MYO3B: variants seen among roughly 807,000 people sequenced by gnomAD.
The protein encoded by MYO3B is myosin-IIIb.
MYO3B carries 156 observed loss-of-function variants against 174.6 expected under a neutral mutation model. The observed-to-expected ratio is 0.89, with a 90% confidence interval of 0.78 to 1.02. The LOEUF is 1.02. Ranked by LOEUF, MYO3B falls within the 50% of genes least tolerant of loss-of-function variation. MYO3B has a pLI of 0.00. For synonymous variants in MYO3B, 563 were observed against 569.1 expected (o/e 0.99, Z 0.15); for missense variants, 1,632 against 1,639.4 (o/e 1.00, Z 0.08).
intron 11 of MYO3B, 42 bp downstream of exon 11, chr2:170,383,231 T>C (rs773097079): frequency 8.1e-7 from 1 of 1,227,398 alleles, no homozygotes; most frequent in Admixed American, 1.9e-5. Context: ...TAATAGGAAA[T>C]TAAAACTCAC....
chr2:170,258,201 C>T (rs2093319306), intron 7 of MYO3B, among the ~76,000 whole-genome samples: 1 of 152,084 alleles, frequency 6.6e-6, no homozygotes, highest in South Asian at 2.1e-4. Context: ...GGAGGACAGA[C>T]TCCTCCCTAA....
At chr2:170,628,502 G>A (rs1201588833) in intron 32 of MYO3B, among the ~76,000 whole-genome samples, 2 of 152,192 alleles carry the variant, frequency 1.3e-5, no homozygotes, top group Admixed American at 6.5e-5. Context: ...TCCTGGATGA[G>A]GCAATGCCTT....
At chr2:170,259,411 A>G (rs550776917) in intron 7 of MYO3B, among the ~76,000 whole-genome samples, 12 of 152,034 alleles carry the variant, frequency 7.9e-5, no homozygotes, top group East Asian at 1.9e-4. Flanking sequence ...TAAAGCCACT[A>G]TAACCATCTA....
intron 32 of MYO3B, among the ~76,000 whole-genome samples, chr2:170,596,738 G>A (rs58710201): frequency 0.04 from 6,130 of 152,248 alleles, 192 homozygotes; most frequent in African/African-American, 0.075. Flanking sequence ...AAGGGGATAA[G>A]AAATGGTGCA....
At chr2:170,371,173 G>A (rs754597602) in intron 9 of MYO3B, among the ~76,000 whole-genome samples, 10 of 140,010 alleles carry the variant, frequency 7.1e-5, no homozygotes, top group Non-Finnish European at 1.5e-4. Context: ...AGCTGAGATC[G>A]CGCCACTGCA....
At chr2:170,596,577 A>G (rs75066616) in intron 32 of MYO3B, among the ~76,000 whole-genome samples, 2,522 of 152,276 alleles carry the variant, frequency 0.017, 69 homozygotes, top group African/African-American at 0.057. Context: ...TTCTGACTAC[A>G]TGTTTTCTCC....
intron 7 of MYO3B, among the ~76,000 whole-genome samples, chr2:170,264,926 C>A (rs2093371524): frequency 1.3e-5 from 2 of 152,214 alleles, no homozygotes; most frequent in East Asian, 1.9e-4. Flanking sequence ...AAAGGGAAAT[C>A]CTGCTGTCAT....
At chr2:170,197,314 C>A (rs2105331615) in intron 1 of MYO3B, among the ~76,000 whole-genome samples, 1 of 152,278 alleles carries the variant, frequency 6.6e-6, no homozygotes, top group Non-Finnish European at 1.5e-5. Flanking sequence ...TACTGCAATG[C>A]CATGAATTGA....
chr2:170,197,300 TC>T (rs1408724766), intron 1 of MYO3B, among the ~76,000 whole-genome samples: 2 of 152,204 alleles, frequency 1.3e-5, no homozygotes, highest in African/African-American at 2.4e-5. Flanking sequence ...TTTCAAACTT[TC>T]TTTACTGCAA....
chr2:170,302,346 A>AC (rs1300013813), intron 7 of MYO3B, among the ~76,000 whole-genome samples: 2 of 152,100 alleles, frequency 1.3e-5, no homozygotes, highest in African/African-American at 2.4e-5. Flanking sequence ...AATAGAAAAA[A>AC]CCCCAGCAAT....
chr2:170,352,596 T>C (rs2094083697), intron 8 of MYO3B, among the ~76,000 whole-genome samples: 1 of 152,186 alleles, frequency 6.6e-6, no homozygotes, highest in Non-Finnish European at 1.5e-5. Flanking sequence ...TGGTTGCGGA[T>C]AGGGGTGGGA....
rs1416332811 is a variant in MYO3B, at chr2:170,654,683, T to G, written c.*1562T>G. On this transcript the variant is annotated 3_prime_UTR_variant, in exon 35 of 35. Transcript: ENST00000408978. ...AAAAAAAAAAAAAAAAGAGATAGTA[T>G]GCAAGAAGACACCTAAATTTTGAGA... 6.8e-6 allele frequency: 1 copy of G among 146,478 alleles called. No homozygotes were observed. The highest frequency in any genetic ancestry group is 1.5e-5 in the Non-Finnish European group (1 of 67,044). 9.1% of individuals were successfully genotyped at this position (146,478 alleles called of 1,614,324 possible). A position where few individuals can be genotyped will look rare whatever the true frequency, so the allele number is the denominator to read the frequency against.
At chr2:170,383,216 C>T (rs1203874299) in intron 11 of MYO3B, 27 bp downstream of exon 11, 2 of 1,338,270 alleles carry the variant, frequency 1.5e-6, no homozygotes, top group Non-Finnish European at 1.1e-6. Flanking sequence ...GAGCATACTG[C>T]TCCTTAATAG....
At chr2:170,626,400 C>T (rs1173916716) in intron 32 of MYO3B, among the ~76,000 whole-genome samples, 1 of 152,118 alleles carries the variant, frequency 6.6e-6, no homozygotes, top group Non-Finnish European at 1.5e-5. Context: ...TTTCCATTTG[C>T]TCGGTAGATC....
chr2:170,230,576 A>G (rs1254248634), intron 6 of MYO3B, among the ~76,000 whole-genome samples: 2 of 152,040 alleles, frequency 1.3e-5, no homozygotes, highest in African/African-American at 4.8e-5. Context: ...AGAAAGAAAC[A>G]TGCCCTTGAA....
intron 7 of MYO3B, among the ~76,000 whole-genome samples, chr2:170,313,483 C>T (rs990340635): frequency 6.6e-6 from 1 of 152,252 alleles, no homozygotes; most frequent in African/African-American, 2.4e-5. Context: ...CAGGGCCAGC[C>T]TTGGTCTATG....
intron 32 of MYO3B, among the ~76,000 whole-genome samples, chr2:170,578,713 T>C (rs991192795): frequency 6.6e-6 from 1 of 152,262 alleles, no homozygotes; most frequent in African/African-American, 2.4e-5. Context: ...ATATTTCCGA[T>C]GTTCACTGTG....
At chr2:170,569,736 C>G in intron 32 of MYO3B, among the ~76,000 whole-genome samples, 1 of 151,684 alleles carries the variant, frequency 6.6e-6, no homozygotes, top group East Asian at 1.9e-4. Context: ...GTGGCACATG[C>G]CTGTAATCCC....
intron 25 of MYO3B, among the ~76,000 whole-genome samples, chr2:170,490,206 T>C (rs1009105211): frequency 1.3e-5 from 2 of 152,054 alleles, no homozygotes; most frequent in African/African-American, 2.4e-5. Context: ...TTTTTTGTAC[T>C]TTTAGTAGAG....
Sources: allele counts gnomAD v4.1 joint callset (sites outside exome capture counted in the v4.1 genomes callset), GRCh38; gene constraint gnomAD v4.1.1; transcripts MANE v1.5; gene names NCBI Gene and HGNC (gene_info 2026-07-23, HGNC 2026-07-21).